Variants in GPC6 observed in about 807,000 individuals in gnomAD.
The protein encoded by GPC6 is glypican 6.
Under a neutral mutation model 55.2 loss-of-function variants are expected in GPC6, and 14 were observed. That is an observed-to-expected ratio of 0.25 (90% confidence interval 0.17 to 0.40). The LOEUF is 0.40. Among genes scored for constraint, GPC6 ranks in the 10% least tolerant of loss-of-function variants. The pLI is 1.00. For missense variants in GPC6, 641 were observed against 708.5 expected, an observed-to-expected ratio of 0.90 and a Z score of 1.08; for synonymous variants, 278 against 259.6, an observed-to-expected ratio of 1.07 and a Z score of -0.68.
chr13:93,361,850 C>T (rs1881052390), intron 1 of GPC6, among the ~76,000 whole-genome samples: 1 of 152,104 alleles, frequency 6.6e-6, no homozygotes. Flanking sequence ...GTCCCTGGGT[C>T]CGTGCAGTCA....
chr13:93,471,746 A>G (rs9524078), intron 1 of GPC6, among the ~76,000 whole-genome samples: 50,843 of 152,022 alleles, frequency 0.33, 8,960 homozygotes, highest in East Asian at 0.61. Flanking sequence ...CACGCTGTGT[A>G]TGATTTTAAT....
At chr13:93,727,827 C>T (rs74242158) in intron 2 of GPC6, among the ~76,000 whole-genome samples, 4,281 of 152,194 alleles carry the variant, frequency 0.028, 86 homozygotes, top group South Asian at 0.087. Flanking sequence ...AAAATCTGAA[C>T]TCCTCTCCAT....
At chr13:93,856,466 G>A (rs74108897) in intron 3 of GPC6, among the ~76,000 whole-genome samples, 5,253 of 151,610 alleles carry the variant, frequency 0.035, 269 homozygotes, top group East Asian at 0.17. Context: ...AAAAATATCA[G>A]AATAAGAGAC....
At chr13:93,467,243 T>G (rs1878938161) in intron 1 of GPC6, among the ~76,000 whole-genome samples, 1 of 152,234 alleles carries the variant, frequency 6.6e-6, no homozygotes, top group African/African-American at 2.4e-5. Flanking sequence ...TAAGCAAGGT[T>G]GCTATGTCAT....
At chr13:93,730,535 A>G (rs957646595) in intron 2 of GPC6, among the ~76,000 whole-genome samples, 2 of 152,106 alleles carry the variant, frequency 1.3e-5, no homozygotes, top group Admixed American at 1.3e-4. Context: ...CCCAGAGCCT[A>G]GTCCCTGCTC....
chr13:93,262,366 T>C (rs936084854), intron 1 of GPC6, among the ~76,000 whole-genome samples: 1 of 152,116 alleles, frequency 6.6e-6, no homozygotes, highest in Non-Finnish European at 1.5e-5. Flanking sequence ...CACGCCAAGT[T>C]ACACTTAAGT....
chr13:93,976,777 A>T (rs1275356186), intron 3 of GPC6, among the ~76,000 whole-genome samples: 2 of 151,728 alleles, frequency 1.3e-5, no homozygotes, highest in African/African-American at 4.8e-5. Context: ...TTCTGACAGG[A>T]GAAGGACAGC....
At chr13:93,687,146 GTTTAA>G (rs1882079470) in intron 2 of GPC6, among the ~76,000 whole-genome samples, 1 of 151,954 alleles carries the variant, frequency 6.6e-6, no homozygotes, top group Admixed American at 6.6e-5. Context: ...TAGAAAATCA[GTTTAA>G]TTTAATAAAT....
chr13:93,582,735 T>G (rs570054786), intron 2 of GPC6, among the ~76,000 whole-genome samples: 4 of 152,324 alleles, frequency 2.6e-5, no homozygotes, highest in African/African-American at 7.2e-5. Context: ...TTGGAGTAGC[T>G]TCTTACCAGG....
intron 1 of GPC6, among the ~76,000 whole-genome samples, chr13:93,300,780 G>A (rs1327759526): frequency 6.6e-6 from 1 of 152,164 alleles, no homozygotes; most frequent in African/African-American, 2.4e-5. Context: ...AGCACTTTGG[G>A]AGGCCAACGC....
intron 4 of GPC6, among the ~76,000 whole-genome samples, chr13:94,129,165 A>G (rs1886927889): frequency 6.6e-6 from 1 of 152,156 alleles, no homozygotes; most frequent in Non-Finnish European, 1.5e-5. Flanking sequence ...GTTACTCAGT[A>G]TTTAGAACAA....
intron 1 of GPC6, among the ~76,000 whole-genome samples, chr13:93,343,012 C>T (rs1471733829): frequency 6.6e-6 from 1 of 152,122 alleles, no homozygotes; most frequent in Non-Finnish European, 1.5e-5. Context: ...CATTGATACA[C>T]ACTGGATATT....
intron 2 of GPC6, among the ~76,000 whole-genome samples, chr13:93,757,138 C>T (rs141592123): frequency 2.6e-3 from 396 of 152,238 alleles, no homozygotes; most frequent in Middle Eastern, 0.017. Flanking sequence ...GGCTTTTGGA[C>T]CAAGATCTTA....
chr13:94,204,286 G>A (rs936765357), intron 4 of GPC6, among the ~76,000 whole-genome samples: 2 of 152,112 alleles, frequency 1.3e-5, no homozygotes, highest in African/African-American at 4.8e-5. Context: ...GGATAAAAAT[G>A]TACCTAATCC....
intron 4 of GPC6, among the ~76,000 whole-genome samples, chr13:94,181,632 T>C (rs192298855): frequency 6.6e-6 from 1 of 152,362 alleles, no homozygotes; most frequent in Admixed American, 6.5e-5. Flanking sequence ...GAGCAAAATG[T>C]GTCTATCTCT....
chr13:94,380,252 TG>T (rs1168392414), intron 6 of GPC6, among the ~76,000 whole-genome samples: 1 of 152,218 alleles, frequency 6.6e-6, no homozygotes, highest in Non-Finnish European at 1.5e-5. Flanking sequence ...CTAAAGGTCG[TG>T]GTCATTTTCT....
At chr13:94,190,057 C>T (rs911319086) in intron 4 of GPC6, among the ~76,000 whole-genome samples, 5 of 151,306 alleles carry the variant, frequency 3.3e-5, no homozygotes, top group African/African-American at 9.7e-5. Flanking sequence ...GGTGCAGTGG[C>T]TCACACCTGT....
chr13:93,943,538 G>T (rs1288183638), intron 3 of GPC6, among the ~76,000 whole-genome samples: 1 of 151,956 alleles, frequency 6.6e-6, no homozygotes, highest in African/African-American at 2.4e-5. Flanking sequence ...GTTCAGCTTT[G>T]CCCTCTGCTC....
At chr13:94,310,592 C>G (rs1876195409) in intron 6 of GPC6, among the ~76,000 whole-genome samples, 2 of 152,186 alleles carry the variant, frequency 1.3e-5, no homozygotes, top group Admixed American at 1.3e-4. Context: ...TATTCTTCCT[C>G]TCATTCCCAT....
Sources: allele counts gnomAD v4.1 joint callset (sites outside exome capture counted in the v4.1 genomes callset), GRCh38; gene constraint gnomAD v4.1.1; transcripts MANE v1.5; gene names NCBI Gene and HGNC (gene_info 2026-07-23, HGNC 2026-07-21).